Variants in GALNTL6 observed in about 807,000 individuals in gnomAD.
The protein encoded by GALNTL6 is polypeptide N-acetylgalactosaminyltransferase like 6, also known as polypeptide N-acetylgalactosaminyltransferase-like 6.
GALNTL6 carries 46 observed loss-of-function variants against 73.7 expected under a neutral mutation model. The observed-to-expected ratio is 0.62, with a 90% CI of 0.49 to 0.80. The LOEUF (loss-of-function observed/expected upper bound fraction) is 0.80. Among genes scored for constraint, GALNTL6 ranks in the 30% least tolerant of loss-of-function variants. The probability of loss-of-function intolerance (pLI) is 0.00; values close to 1 mark genes in which losing one functional copy is unlikely to be tolerated. For missense variants in GALNTL6, 604 were observed against 755.0 expected, an observed-to-expected ratio of 0.80 and a Z score of 2.34; for synonymous variants, 259 against 263.7, an observed-to-expected ratio of 0.98 and a Z score of 0.17.
chr4:172,129,460 C>T (rs1733395657), intron 2 of GALNTL6, among the ~76,000 whole-genome samples: 1 of 152,132 alleles, frequency 6.6e-6, no homozygotes, highest in Non-Finnish European at 1.5e-5. Context: ...TTTGAGAATC[C>T]TATTTCATTT....
At chr4:173,025,595 C>T (rs1399339620) in intron 12 of GALNTL6, among the ~76,000 whole-genome samples, 1 of 152,172 alleles carries the variant, frequency 6.6e-6, no homozygotes, top group African/African-American at 2.4e-5. Context: ...CCATCTTCCA[C>T]CCTGAAGCCA....
chr4:172,126,740 A>G (rs1448416269), intron 2 of GALNTL6, among the ~76,000 whole-genome samples: 2 of 152,122 alleles, frequency 1.3e-5, no homozygotes, highest in Non-Finnish European at 2.9e-5. Flanking sequence ...GGTTTCACAC[A>G]ATCTCAGCCC....
At chr4:172,169,216 A>C (rs1220908819) in intron 2 of GALNTL6, among the ~76,000 whole-genome samples, 1 of 152,194 alleles carries the variant, frequency 6.6e-6, no homozygotes, top group Non-Finnish European at 1.5e-5. Flanking sequence ...CTAAGAGAGA[A>C]CAGTCTCCCA....
At chr4:172,405,421 ATATATATATATATATATATATATTTTT>A (rs1744178029) in intron 5 of GALNTL6, among the ~76,000 whole-genome samples, 1 of 5,048 alleles carries the variant, frequency 2.0e-4, no homozygotes, top group Non-Finnish European at 8.9e-4. Context: ...ATATATATAT[ATATATATATATATATATATATATTTTT>A]TTTTTTTTTT....
intron 5 of GALNTL6, among the ~76,000 whole-genome samples, chr4:172,807,556 C>T (rs1400558138): frequency 6.6e-6 from 1 of 152,156 alleles, no homozygotes; most frequent in Non-Finnish European, 1.5e-5. Flanking sequence ...CCACCACATT[C>T]TAGAAGGGAA....
intron 2 of GALNTL6, among the ~76,000 whole-genome samples, chr4:171,861,479 T>C (rs761499980): frequency 3.3e-5 from 5 of 152,232 alleles, no homozygotes; most frequent in Non-Finnish European, 5.9e-5. Context: ...CAGTTGAGTA[T>C]GTTTTTCACT....
chr4:172,736,638 T>A (rs546752910), intron 5 of GALNTL6, among the ~76,000 whole-genome samples: 94 of 152,346 alleles, frequency 6.2e-4, no homozygotes, highest in African/African-American at 2.2e-3. Flanking sequence ...TATAAGAGTA[T>A]TGATTAGGGA....
rs781037910 is a variant in GALNTL6 at position 173,009,279 on chromosome 4, A to G, written c.1473A>G (p.Thr491=). The change falls in exon 11 of 13, where the codon ACA becomes ACG. Residue 491 remains threonine, a synonymous_variant. Transcript: ENST00000506823. ...DICVKDGSER[T]WSHEQLFTFG... The stretch of plus-strand genomic sequence containing the variant: ...GTGTCAAGGATGGTTCTGAAAGAAC[A>G]TGGTCTCATGAACAGGTGAGTCACC... The G allele has an allele frequency of 5.8e-5, 93 of 1,611,208 alleles. No individual in the cohort carries two copies. The East Asian group carries it at 1.9e-3, about 34-fold the overall frequency.
intron 2 of GALNTL6, among the ~76,000 whole-genome samples, chr4:172,208,155 G>A (rs1423630741): frequency 6.6e-6 from 1 of 152,168 alleles, no homozygotes; most frequent in Admixed American, 6.5e-5. Context: ...CCTGTGACCT[G>A]TACATGCTGG....
intron 5 of GALNTL6, among the ~76,000 whole-genome samples, chr4:172,443,518 C>A (rs1189685365): frequency 6.6e-6 from 1 of 151,926 alleles, no homozygotes; most frequent in African/African-American, 2.4e-5. Context: ...GTACTTAATA[C>A]ATAAAAAATC....
chr4:172,105,479 C>T (rs1732650612), intron 2 of GALNTL6, among the ~76,000 whole-genome samples: 1 of 151,434 alleles, frequency 6.6e-6, no homozygotes, highest in Non-Finnish European at 1.5e-5. Flanking sequence ...CTGATACGCT[C>T]TCATATTTAG....
chr4:171,885,889 T>C (rs1018127158), intron 2 of GALNTL6, among the ~76,000 whole-genome samples: 1 of 152,178 alleles, frequency 6.6e-6, no homozygotes, highest in Non-Finnish European at 1.5e-5. Context: ...TATATTCTTC[T>C]GAGAAGTCCT....
chr4:172,482,332 C>T (rs565663941), intron 5 of GALNTL6, among the ~76,000 whole-genome samples: 12 of 152,360 alleles, frequency 7.9e-5, no homozygotes, highest in African/African-American at 1.4e-4. Flanking sequence ...ATTACAGCAA[C>T]GGGCTGAAGG....
At chr4:172,932,284 T>C (rs1192194391) in intron 9 of GALNTL6, among the ~76,000 whole-genome samples, 1 of 152,156 alleles carries the variant, frequency 6.6e-6, no homozygotes, top group Non-Finnish European at 1.5e-5. Flanking sequence ...TAGGGAACAC[T>C]CAGATATTTG....
intron 8 of GALNTL6, among the ~76,000 whole-genome samples, chr4:172,906,376 AT>A (rs1746893440): frequency 6.6e-6 from 1 of 152,170 alleles, no homozygotes; most frequent in African/African-American, 2.4e-5. Flanking sequence ...TTCTAAGAAA[AT>A]ATAAATGGCA....
At chr4:172,076,890 T>A (rs1168060712) in intron 2 of GALNTL6, among the ~76,000 whole-genome samples, 1 of 152,162 alleles carries the variant, frequency 6.6e-6, no homozygotes, top group Non-Finnish European at 1.5e-5. Flanking sequence ...AGAGACCTGG[T>A]GGGAGGTGAT....
chr4:171,966,590 G>A (rs1739388412), intron 2 of GALNTL6, among the ~76,000 whole-genome samples: 1 of 152,152 alleles, frequency 6.6e-6, no homozygotes, highest in Non-Finnish European at 1.5e-5. Flanking sequence ...TGGTGCTTAG[G>A]GAGGAAGGAG....
intron 2 of GALNTL6, among the ~76,000 whole-genome samples, chr4:172,013,258 A>G (rs772059049): frequency 3.3e-5 from 5 of 152,058 alleles, no homozygotes; most frequent in Non-Finnish European, 5.9e-5. Flanking sequence ...TAGTGCTATG[A>G]AACACTGGTA....
At chr4:173,038,101 CAAG>C (rs1233942194) in intron 12 of GALNTL6, among the ~76,000 whole-genome samples, 2 of 152,148 alleles carry the variant, frequency 1.3e-5, no homozygotes, top group African/African-American at 4.8e-5. Flanking sequence ...GAAGAGGGGG[CAAG>C]AAGTGCATGT....
Sources: gnomAD v4.1 joint callset for allele counts (sites outside exome capture counted in the v4.1 genomes callset) on GRCh38, gnomAD v4.1.1 for gene constraint, MANE v1.5 for transcripts, NCBI Gene and HGNC (gene_info 2026-07-23, HGNC 2026-07-21) for gene names.